The following FRMD3 variants were observed in gnomAD, a reference collection of about 807,000 sequenced individuals.
FRMD3 encodes FERM domain-containing protein 3.
A neutral mutation model predicts 70.2 loss-of-function variants in FRMD3; 33 were observed. That is an observed-to-expected ratio of 0.47 (90% CI 0.36 to 0.63). FRMD3 has a LOEUF of 0.63. Ranked by LOEUF, FRMD3 falls within the 20% of genes least tolerant of loss-of-function variation. FRMD3 has a pLI of 0.00. For missense variants in FRMD3, 632 were observed against 711.4 expected (o/e 0.89, Z 1.27); for synonymous variants, 279 against 255.9 (o/e 1.09, Z -0.86).
At chr9:83,432,915 A>G (rs928212049) in intron 1 of FRMD3, among the ~76,000 whole-genome samples, 7 of 152,126 alleles carry the variant, frequency 4.6e-5, no homozygotes, top group Non-Finnish European at 8.8e-5. Flanking sequence ...TGAGTCTCCA[A>G]TGTCCATTAT....
At chr9:83,361,288 C>T (rs1213161211) in intron 3 of FRMD3, among the ~76,000 whole-genome samples, 1 of 152,116 alleles carries the variant, frequency 6.6e-6, no homozygotes, top group Non-Finnish European at 1.5e-5. Flanking sequence ...GCATTTTAAT[C>T]CTAGTCAGAA....
chr9:83,373,608 T>C (rs1400083485), intron 2 of FRMD3, among the ~76,000 whole-genome samples: 1 of 152,074 alleles, frequency 6.6e-6, no homozygotes, highest in Non-Finnish European at 1.5e-5. Flanking sequence ...GGCACCACGC[T>C]GGTCCCAGTG....
intron 1 of FRMD3, among the ~76,000 whole-genome samples, chr9:83,429,752 AT>A (rs1299569947): frequency 1.3e-5 from 2 of 151,792 alleles, no homozygotes; most frequent in Non-Finnish European, 2.9e-5. Flanking sequence ...CTTGGATTCC[AT>A]TTTGCCCCTT....
At chr9:83,375,279 A>G (rs1825106939) in intron 2 of FRMD3, among the ~76,000 whole-genome samples, 1 of 152,236 alleles carries the variant, frequency 6.6e-6, no homozygotes, top group Non-Finnish European at 1.5e-5. Context: ...TCTGTGTCCT[A>G]AATAAGTTAT....
At chr9:83,487,618 T>C (rs1389607529) in intron 1 of FRMD3, among the ~76,000 whole-genome samples, 1 of 152,262 alleles carries the variant, frequency 6.6e-6, no homozygotes, top group East Asian at 1.9e-4. Context: ...CCCTAGCCAG[T>C]TCCTGGGGAT....
At chr9:83,440,714 C>T (rs1827269616) in intron 1 of FRMD3, among the ~76,000 whole-genome samples, 1 of 152,194 alleles carries the variant, frequency 6.6e-6, no homozygotes, top group African/African-American at 2.4e-5. Context: ...CAATCTGAGC[C>T]TTGTGTTTCC....
intron 1 of FRMD3, among the ~76,000 whole-genome samples, chr9:83,479,560 G>C (rs112709535): frequency 7.0e-6 from 1 of 143,668 alleles, no homozygotes; most frequent in Admixed American, 7.2e-5. Context: ...CTGGGGGTTC[G>C]AGGCTGCAAA....
chr9:83,462,732 A>G (rs1335257022), intron 1 of FRMD3, among the ~76,000 whole-genome samples: 1 of 152,182 alleles, frequency 6.6e-6, no homozygotes, highest in Non-Finnish European at 1.5e-5. Flanking sequence ...TCTTCCAGCA[A>G]TTTCGGCTGC....
chr9:83,479,750 GAGA>G (rs1302633308), intron 1 of FRMD3, among the ~76,000 whole-genome samples: 2 of 96,544 alleles, frequency 2.1e-5, no homozygotes, highest in Non-Finnish European at 3.9e-5. Context: ...AAAAAGAAAA[GAGA>G]AGAAGAAGGG....
chr9:83,345,278 C>A (rs1226772986), intron 4 of FRMD3, among the ~76,000 whole-genome samples: 1 of 135,780 alleles, frequency 7.4e-6, no homozygotes, highest in East Asian at 2.0e-4. Flanking sequence ...TAATAAGTTT[C>A]TAATTTGGAG....
rs988028276 is a variant in FRMD3 at position 83,537,711 on chromosome 9, G to A, written c.147+374C>T. ...AAGAAGGGAGGAAATACCAGTGGGC[G>A]ACATGCAGGTGCCCCTCTCAGCCCT... On this transcript the variant is annotated intron_variant, in intron 1 of 13. Transcript: ENST00000304195. This position sits in a 1 kb window ranked among gnomAD's most constrained non-coding sequence, Gnocchi z 4.1. Among the ~76,000 whole-genome samples, 10 of 152,200 alleles carry A rather than the reference G, an allele frequency of 6.6e-5. No individual in the cohort carries two copies. In the South Asian group the frequency reaches 8.3e-4, roughly 13 times the overall value.
chr9:83,363,025 CCCTT>C (rs1186482782), intron 3 of FRMD3, among the ~76,000 whole-genome samples: 1 of 151,346 alleles, frequency 6.6e-6, no homozygotes, highest in Non-Finnish European at 1.5e-5. Context: ...CCTCCTTCCT[CCCTT>C]CCTTCCTTGT....
chr9:83,310,384 G>T, intron 9 of FRMD3, 101 bp downstream of exon 9: 4 of 931,582 alleles, frequency 4.3e-6, no homozygotes, highest in Non-Finnish European at 6.8e-6. Context: ...ACACTTCAAA[G>T]TCATGGTCTT....
At chr9:83,486,128 G>A (rs1329129868) in intron 1 of FRMD3, among the ~76,000 whole-genome samples, 1 of 152,062 alleles carries the variant, frequency 6.6e-6, no homozygotes, top group Non-Finnish European at 1.5e-5. Context: ...ATTTATTTAT[G>A]TTGATCAACA....
At chr9:83,330,578 T>C (rs1246600717) in intron 6 of FRMD3, among the ~76,000 whole-genome samples, 1 of 152,236 alleles carries the variant, frequency 6.6e-6, no homozygotes, top group East Asian at 1.9e-4. Context: ...ATTGATTCCA[T>C]ACCTGGTCTG....
At chr9:83,340,222 C>T (rs773509728) in intron 5 of FRMD3, among the ~76,000 whole-genome samples, 5 of 152,008 alleles carry the variant, frequency 3.3e-5, no homozygotes, top group African/African-American at 4.8e-5. Context: ...GCAAGTGCCC[C>T]GATTCATTTC....
At chr9:83,514,473 A>G (rs1829410434) in intron 1 of FRMD3, among the ~76,000 whole-genome samples, 2 of 152,164 alleles carry the variant, frequency 1.3e-5, no homozygotes, top group South Asian at 4.1e-4. Context: ...TCAGGGATTT[A>G]TATCTAAAAC....
At chr9:83,436,781 G>T (rs1433851594) in intron 1 of FRMD3, among the ~76,000 whole-genome samples, 3 of 132,284 alleles carry the variant, frequency 2.3e-5, no homozygotes, top group East Asian at 2.3e-4. Flanking sequence ...GGACCAAGGG[G>T]AAAAAAAAAA....
intron 8 of FRMD3, 103 bp from the exon 9 acceptor site, chr9:83,310,651 A>T (rs1835317938): frequency 2.5e-6 from 2 of 801,928 alleles, no homozygotes; most frequent in Non-Finnish European, 4.1e-6. Context: ...GGCAGATTGC[A>T]GTGAAACAAG....
Sources: gnomAD v4.1 joint callset for allele counts (sites outside exome capture counted in the v4.1 genomes callset) on GRCh38, gnomAD v4.1.1 for gene constraint, Gnocchi (gnomAD v3.1) non-coding constraint, MANE v1.5 for transcripts, NCBI Gene and HGNC (gene_info 2026-07-23, HGNC 2026-07-21) for gene names.